FLRT2: variants seen among roughly 807,000 people sequenced by gnomAD.
FLRT2 encodes the protein fibronectin leucine rich transmembrane protein 2.
FLRT2 carries 15 observed loss-of-function variants against 40.0 expected under a neutral mutation model. The observed-to-expected ratio is 0.38, with a 90% CI of 0.25 to 0.58. FLRT2 has a LOEUF of 0.58. Ranked by LOEUF, FLRT2 falls within the 20% of genes least tolerant of loss-of-function variation. The pLI is 0.71. For synonymous variants in FLRT2, 380 were observed against 336.8 expected (o/e 1.13, Z -1.41); for missense variants, 726 against 840.0 (o/e 0.86, Z 1.68).
At chr14:85,619,083 A>AC (rs1893266704) in intron 1 of FLRT2, among the ~76,000 whole-genome samples, 1 of 139,370 alleles carries the variant, frequency 7.2e-6, no homozygotes, top group African/African-American at 2.7e-5. Context: ...ATAATGCTTG[A>AC]CTTTTTTTTT....
At chr14:85,579,514 T>C (rs945177613) in intron 1 of FLRT2, among the ~76,000 whole-genome samples, 2 of 152,036 alleles carry the variant, frequency 1.3e-5, no homozygotes, top group African/African-American at 2.4e-5. Flanking sequence ...TGTCGGAAAA[T>C]TTATAAATGA....
At chr14:85,611,707 G>T (rs1892868784) in intron 1 of FLRT2, among the ~76,000 whole-genome samples, 1 of 152,158 alleles carries the variant, frequency 6.6e-6, no homozygotes. Context: ...CATTTCAAGC[G>T]TAGGATTCTC....
At chr14:85,557,259 T>TA (rs1890027938) in intron 1 of FLRT2, among the ~76,000 whole-genome samples, 1 of 151,714 alleles carries the variant, frequency 6.6e-6, no homozygotes, top group Non-Finnish European at 1.5e-5. Flanking sequence ...AGTGTTTTTT[T>TA]TTTTCTGAAG....
At chr14:85,566,546 T>TG (rs1457971133) in intron 1 of FLRT2, among the ~76,000 whole-genome samples, 5 of 114,390 alleles carry the variant, frequency 4.4e-5, no homozygotes, top group African/African-American at 7.0e-5. Context: ...TTAACTTCCA[T>TG]GGTTGTGTGT....
chr14:85,653,776 G>A lies in FLRT2; in HGVS notation c.*30279G>A, dbSNP rs1239242897. 6.6e-6 allele frequency: 1 copy of A among 152,112 alleles called. No individual in the cohort carries two copies. The highest frequency in any genetic ancestry group is 2.1e-4 in the South Asian group (1 of 4,814). The allele number at this position is 152,112 out of a possible 1,614,324, so 9.4% of individuals were successfully genotyped here. ...GCTTGTGTTGCAGGGATGTTTTGAG[G>A]ATATGTTGATGTGTGTGACTCCTTC... On this transcript the variant is annotated 3_prime_UTR_variant, in exon 2 of 2. Coordinates refer to ENST00000330753, the MANE Select transcript of FLRT2 (RefSeq NM_013231.6).
chr14:85,544,784 T>C (rs1333969656), intron 1 of FLRT2, among the ~76,000 whole-genome samples: 2 of 152,206 alleles, frequency 1.3e-5, no homozygotes, highest in East Asian at 1.9e-4. Context: ...AACAATACTT[T>C]GTTAAGTTTC....
intron 1 of FLRT2, among the ~76,000 whole-genome samples, chr14:85,530,826 C>T (rs1888228351): frequency 6.6e-6 from 1 of 152,034 alleles, no homozygotes; most frequent in Non-Finnish European, 1.5e-5. Flanking sequence ...TGCATCGATG[C>T]TAAATTGGGG....
chr14:85,610,964 C>T (rs1352313050), intron 1 of FLRT2, among the ~76,000 whole-genome samples: 4 of 152,114 alleles, frequency 2.6e-5, no homozygotes, highest in South Asian at 2.1e-4. Context: ...GGTGCAATCT[C>T]GGCTCACTGC....
intron 1 of FLRT2, among the ~76,000 whole-genome samples, chr14:85,582,942 T>A (rs1280414508): frequency 6.6e-6 from 1 of 152,010 alleles, no homozygotes; most frequent in African/African-American, 2.4e-5. Context: ...TTCTGCCTCA[T>A]TGTTTGATTT....
chr14:85,607,492 T>C lies in FLRT2; in HGVS notation c.-376-13647T>C, dbSNP rs187445508. 2.4e-3 allele frequency among the ~76,000 whole-genome samples: 373 copies of C among 152,316 alleles called. 4 individuals are homozygous for C. Among genetic ancestry groups the C allele is most frequent in the Middle Eastern group, 0.024 (7 of 292 alleles). On this transcript the variant is annotated intron_variant, in intron 1 of 1. Transcript: ENST00000330753. Reference sequence around the variant, plus strand: ...ATTGAACAGAAAAGTAGGGAGTCAGTGGATTCTTGCAACAGCTAGGGGTGG... The same window carrying C: ...ATTGAACAGAAAAGTAGGGAGTCAGCGGATTCTTGCAACAGCTAGGGGTGG...
In FLRT2 at chr14:85,622,040, G is replaced by A. The variant is rs777746741; in HGVS notation, c.526G>A (p.Val176Ile). 1.9e-6 allele frequency: 3 copies of A among 1,613,836 alleles called. No homozygotes were observed. The highest frequency in any genetic ancestry group is 4.5e-5 in the East Asian group (2 of 44,860). Residue 176 changes from valine to isoleucine, a missense_variant, in exon 2 of 2, where the codon GTT becomes ATT. Physicochemically the swap from Val to Ile is conservative, Grantham distance 29 (BLOSUM62 3). Around this residue, in one of 3 missense-constraint regions of FLRT2, gnomAD observed 611 missense variants for 690.0 expected, o/e 0.89. Transcript: ENST00000330753. The stretch of plus-strand genomic sequence containing the variant: ...TAAGAATCACCTGAGCAGTGTGCCT[G>A]TTGGGCTTCCTGTGGACTTGCAAGA... ...LSKNHLSSVP[V>I]GLPVDLQELR... is the part of the protein sequence containing the mutation.
At chr14:85,531,223 G>A (rs1016260334) in intron 1 of FLRT2, 8 of 152,354 alleles carry the variant, frequency 5.3e-5, no homozygotes, top group African/African-American at 1.9e-4. Flanking sequence ...TCCGGATCGA[G>A]TGAGTTCCTT....
chr14:85,613,711 C>T (rs1016637554), intron 1 of FLRT2, among the ~76,000 whole-genome samples: 1 of 152,078 alleles, frequency 6.6e-6, no homozygotes, highest in Non-Finnish European at 1.5e-5. Context: ...TAACGGTGAG[C>T]GAAAGCAGAC....
At chr14:85,531,368 TG>T (rs1164031171) in intron 1 of FLRT2, 1 of 152,544 alleles carries the variant, frequency 6.6e-6, no homozygotes, top group East Asian at 1.9e-4. Context: ...CTTGGGGGCT[TG>T]GGGCCTCCTG....
At position 85,622,657 on chromosome 14, in the gene FLRT2, T is replaced by A. The variant is rs763192772; in HGVS notation, c.1143T>A (p.Thr381=). Residue 381 remains threonine (T), a synonymous_variant, in exon 2 of 2, where the codon ACT becomes ACA. Transcript: ENST00000330753. ...CCCCAAGTACAGCTTCTCCGACCAC[T>A]CAGCCTCCCACCCTCTCTATTCCAA... is the stretch of plus-strand genomic sequence containing the variant. ...TPAPSTASPT[T]QPPTLSIPNP... The A allele has an allele frequency of 1.9e-6, 3 of 1,613,780 alleles. No individual in the cohort carries two copies. In the Admixed American group the frequency reaches 5.0e-5, roughly 27 times the overall value.
At chr14:85,583,916 G>A (rs1342586679) in intron 1 of FLRT2, among the ~76,000 whole-genome samples, 1 of 151,508 alleles carries the variant, frequency 6.6e-6, no homozygotes, top group African/African-American at 2.4e-5. Context: ...CTTGAGCCCA[G>A]GAGTTTGAAG....
intron 1 of FLRT2, among the ~76,000 whole-genome samples, chr14:85,604,943 G>T (rs749287086): frequency 6.6e-6 from 1 of 152,042 alleles, no homozygotes; most frequent in Non-Finnish European, 1.5e-5. Context: ...ATGATTCTTT[G>T]ACACAGAGAG....
At chr14:85,612,951 T>C (rs1380837939) in intron 1 of FLRT2, among the ~76,000 whole-genome samples, 1 of 152,216 alleles carries the variant, frequency 6.6e-6, no homozygotes, top group African/African-American at 2.4e-5. Context: ...TTGTTATGTA[T>C]ATTACATATG....
intron 1 of FLRT2, among the ~76,000 whole-genome samples, chr14:85,544,120 C>A (rs1160829806): frequency 6.6e-6 from 1 of 152,012 alleles, no homozygotes; most frequent in East Asian, 1.9e-4. Context: ...TTTTTTATTC[C>A]CATAGATTGA....
Sources: gnomAD v4.1 joint callset for allele counts (sites outside exome capture counted in the v4.1 genomes callset) on GRCh38, gnomAD v4.1.1 for gene constraint, gnomAD v4.1.1 regional missense constraint, MANE v1.5 for transcripts, NCBI Gene and HGNC (gene_info 2026-07-23, HGNC 2026-07-21) for gene names.